SLC24A2: variants seen among roughly 807,000 people sequenced by gnomAD.
SLC24A2 encodes the protein sodium/potassium/calcium exchanger 2.
A neutral mutation model predicts 62.0 loss-of-function variants in SLC24A2; 36 were observed. The ratio of observed to expected loss-of-function variants is 0.58; its 90% CI spans 0.44 to 0.77. SLC24A2 has a LOEUF of 0.77. Ranked by LOEUF, SLC24A2 falls within the 30% of genes least tolerant of loss-of-function variation. The probability of loss-of-function intolerance (pLI) is 0.00; values close to 1 mark genes in which losing one functional copy is unlikely to be tolerated. For missense variants in SLC24A2, 846 were observed against 817.9 expected (o/e 1.03, Z -0.42); for synonymous variants, 358 against 294.0 (o/e 1.22, Z -2.23).
At chr9:19,985,851 A>G in the SLC24A2 span, among the ~76,000 whole-genome samples, 1 of 152,196 alleles carries the variant, frequency 6.6e-6, no homozygotes. Flanking sequence ...AAATCTTCAT[A>G]GCCTTGGATT....
At chr9:20,145,276 T>C in the SLC24A2 span, among the ~76,000 whole-genome samples, 1 of 152,018 alleles carries the variant, frequency 6.6e-6, no homozygotes, top group East Asian at 1.9e-4. Context: ...CGTTGCTCTA[T>C]GAAAGCAAGC....
chr9:20,068,022 T>A, the SLC24A2 span, among the ~76,000 whole-genome samples: 1 of 151,446 alleles, frequency 6.6e-6, no homozygotes, highest in African/African-American at 2.4e-5. Context: ...TTCCTTTTTC[T>A]CTGCAACCTC....
the SLC24A2 span, among the ~76,000 whole-genome samples, chr9:19,862,274 GGAGA>G: frequency 6.6e-6 from 1 of 152,124 alleles, no homozygotes; most frequent in Non-Finnish European, 1.5e-5. Context: ...TTACAGGCTA[GGAGA>G]GAGTGGTATG....
chr9:19,646,705 C>G (rs889121724), intron 2 of SLC24A2, among the ~76,000 whole-genome samples: 1 of 152,152 alleles, frequency 6.6e-6, no homozygotes, highest in African/African-American at 2.4e-5. Flanking sequence ...TCTCCCTCTT[C>G]CCACAATATT....
At chr9:20,298,658 A>G in the SLC24A2 span, among the ~76,000 whole-genome samples, 3 of 152,280 alleles carry the variant, frequency 2.0e-5, no homozygotes, top group African/African-American at 7.2e-5. Context: ...CAGCCATAAT[A>G]GTAATAGCAG....
intron 2 of SLC24A2, among the ~76,000 whole-genome samples, chr9:19,763,159 T>C (rs979668828): frequency 6.6e-6 from 1 of 152,242 alleles, no homozygotes; most frequent in African/African-American, 2.4e-5. Context: ...TTTTTGCACA[T>C]TGATTTTGTA....
the SLC24A2 span, among the ~76,000 whole-genome samples, chr9:19,815,959 CTT>C: frequency 0.031 from 3,158 of 103,398 alleles, 36 homozygotes; most frequent in African/African-American, 0.047. Context: ...TTTTTTGCCC[CTT>C]TTTTTTTTTT....
intron 2 of SLC24A2, chr9:19,705,536 C>T (rs1318680365): frequency 1.7e-5 from 4 of 228,846 alleles, no homozygotes; most frequent in Middle Eastern, 1.3e-3. Flanking sequence ...CCAGCTTGCC[C>T]AGAAAGAGAA....
chr9:19,826,680 C>G, the SLC24A2 span, among the ~76,000 whole-genome samples: 4 of 152,166 alleles, frequency 2.6e-5, no homozygotes, highest in Non-Finnish European at 5.9e-5. Context: ...TCCCCTCAAG[C>G]CTTTTAATAA....
At chr9:19,958,174 C>CA in the SLC24A2 span, 1 of 152,142 alleles carries the variant, frequency 6.6e-6, no homozygotes, top group Admixed American at 6.5e-5. Context: ...CTGGCAGTTA[C>CA]AGACTCGTGG....
chr9:19,642,871 G>A (rs1245294492), intron 2 of SLC24A2, among the ~76,000 whole-genome samples: 3 of 150,918 alleles, frequency 2.0e-5, no homozygotes, highest in African/African-American at 4.9e-5. Context: ...TAGTAGAGAC[G>A]GGGTTTCACC....
At chr9:20,147,789 G>A in the SLC24A2 span, among the ~76,000 whole-genome samples, 1 of 151,960 alleles carries the variant, frequency 6.6e-6, no homozygotes, top group Admixed American at 6.6e-5. Context: ...ACTAACCTGG[G>A]GCAAAGAAAA....
chr9:20,103,399 G>A, the SLC24A2 span, among the ~76,000 whole-genome samples: 1 of 152,208 alleles, frequency 6.6e-6, no homozygotes, highest in Non-Finnish European at 1.5e-5. Context: ...GCCTCCTCAA[G>A]TGGGTCCCTG....
At chr9:19,900,733 T>C in the SLC24A2 span, among the ~76,000 whole-genome samples, 1 of 152,238 alleles carries the variant, frequency 6.6e-6, no homozygotes, top group Non-Finnish European at 1.5e-5. Context: ...AAAGTAGTTC[T>C]ATCATGATCT....
the SLC24A2 span, among the ~76,000 whole-genome samples, chr9:20,139,907 G>A: frequency 3.9e-5 from 6 of 152,196 alleles, no homozygotes; most frequent in Admixed American, 3.9e-4. Context: ...GCAGGCCCAG[G>A]CCCCTGACCC....
the SLC24A2 span, among the ~76,000 whole-genome samples, chr9:19,961,495 G>C: frequency 6.6e-6 from 1 of 152,148 alleles, no homozygotes; most frequent in Non-Finnish European, 1.5e-5. Flanking sequence ...GTAGTGGAAA[G>C]TAAGTTTCAT....
At chr9:19,528,420 T>C (rs557877852) in intron 8 of SLC24A2, among the ~76,000 whole-genome samples, 6 of 152,124 alleles carry the variant, frequency 3.9e-5, no homozygotes, top group Non-Finnish European at 8.8e-5. Flanking sequence ...ATGTTTAGAT[T>C]CCCTCTGCTC....
At chr9:19,610,791 A>T (rs1563996607) in intron 4 of SLC24A2, among the ~76,000 whole-genome samples, 1 of 152,262 alleles carries the variant, frequency 6.6e-6, no homozygotes, top group Non-Finnish European at 1.5e-5. Flanking sequence ...CAGGGCATGG[A>T]TTAAGAAAAT....
the SLC24A2 span, among the ~76,000 whole-genome samples, chr9:20,016,783 T>C: frequency 2.0e-5 from 3 of 151,898 alleles, no homozygotes; most frequent in African/African-American, 4.8e-5. Context: ...GAGGATACAC[T>C]CCCAGCTGTG....
Sources: allele counts gnomAD v4.1 joint callset (sites outside exome capture counted in the v4.1 genomes callset), GRCh38; gene constraint gnomAD v4.1.1; transcripts MANE v1.5; gene names NCBI Gene and HGNC (gene_info 2026-07-23, HGNC 2026-07-21).